Variants in PTPRM observed in about 807,000 individuals in gnomAD.
PTPRM encodes protein tyrosine phosphatase receptor type M.
A neutral mutation model predicts 186.7 loss-of-function variants in PTPRM; 47 were observed. The ratio of observed to expected loss-of-function variants is 0.25; its 90% CI spans 0.20 to 0.32. The LOEUF is 0.32. Among genes scored for constraint, PTPRM ranks in the 10% least tolerant of loss-of-function variants. The probability of loss-of-function intolerance (pLI) is 1.00; values close to 1 mark genes in which losing one functional copy is unlikely to be tolerated. For missense variants in PTPRM, 1,494 were observed against 1,865.0 expected, an observed-to-expected ratio of 0.80 and a Z score of 3.66; for synonymous variants, 668 against 674.9, an observed-to-expected ratio of 0.99 and a Z score of 0.16.
At chr18:8,226,270 TCC>T (rs1322584032) in intron 14 of PTPRM, among the ~76,000 whole-genome samples, 1 of 127,748 alleles carries the variant, frequency 7.8e-6, no homozygotes, top group Admixed American at 8.4e-5. Flanking sequence ...GCCCCCAATA[TCC>T]CCCCCACACA....
intron 1 of PTPRM, among the ~76,000 whole-genome samples, chr18:7,756,006 T>C (rs940177455): frequency 2.0e-5 from 3 of 152,198 alleles, no homozygotes; most frequent in Non-Finnish European, 4.4e-5. Flanking sequence ...TATATTTCCT[T>C]GTACTGTTTG....
chr18:8,332,773 G>A (rs1290291192), intron 22 of PTPRM, among the ~76,000 whole-genome samples: 6 of 152,198 alleles, frequency 3.9e-5, no homozygotes, highest in African/African-American at 1.4e-4. Context: ...GAGAAGAGAT[G>A]TGTCATTGTG....
intron 19 of PTPRM, among the ~76,000 whole-genome samples, chr18:8,254,878 G>A (rs2094560342): frequency 6.6e-6 from 1 of 152,230 alleles, no homozygotes; most frequent in African/African-American, 2.4e-5. Flanking sequence ...CTGCTAACAT[G>A]TGCATCCTGG....
chr18:7,743,481 C>T (rs1310244591), intron 1 of PTPRM, among the ~76,000 whole-genome samples: 2 of 151,848 alleles, frequency 1.3e-5, no homozygotes, highest in Admixed American at 1.3e-4. Context: ...TTGTGAAATA[C>T]TGAAGTGGTG....
At chr18:7,619,482 G>C (rs2037885279) in intron 1 of PTPRM, among the ~76,000 whole-genome samples, 1 of 152,202 alleles carries the variant, frequency 6.6e-6, no homozygotes, top group Non-Finnish European at 1.5e-5. Context: ...CTGTGTGTGT[G>C]TGAATGTGTG....
At chr18:8,054,064 AATTAAAGTGCTGTTTTT>A (rs2087711398) in intron 7 of PTPRM, among the ~76,000 whole-genome samples, 1 of 151,808 alleles carries the variant, frequency 6.6e-6, no homozygotes, top group South Asian at 2.1e-4. Flanking sequence ...GTCTGTGTAT[AATTAAAGTGCTGTTTTT>A]TCTTGTTTCA....
chr18:8,029,834 T>A (rs2085839914), intron 7 of PTPRM, among the ~76,000 whole-genome samples: 1 of 152,208 alleles, frequency 6.6e-6, no homozygotes. Flanking sequence ...GTCTTCCCAA[T>A]GTCCACAGGA....
At chr18:8,144,608 C>T (rs543511824) in intron 14 of PTPRM, among the ~76,000 whole-genome samples, 7 of 152,192 alleles carry the variant, frequency 4.6e-5, no homozygotes, top group Admixed American at 3.9e-4. Flanking sequence ...CAAAAACAAA[C>T]AAACAAACAA....
intron 7 of PTPRM, among the ~76,000 whole-genome samples, chr18:8,046,810 A>G (rs150276389): frequency 2.8e-4 from 42 of 152,232 alleles, no homozygotes; most frequent in Admixed American, 1.8e-3. Flanking sequence ...TGAGATATTA[A>G]TAATACTATA....
At chr18:7,775,178 C>T (rs2042520037) in intron 2 of PTPRM, among the ~76,000 whole-genome samples, 1 of 152,210 alleles carries the variant, frequency 6.6e-6, no homozygotes, top group Admixed American at 6.5e-5. Context: ...TAAGGTTTAA[C>T]AGTATGATGC....
chr18:8,076,337 G>A, intron 8 of PTPRM, 118 bp from the exon 9 acceptor site: 1 of 640,722 alleles, frequency 1.6e-6, no homozygotes, highest in Non-Finnish European at 2.8e-6. Flanking sequence ...GAAAAATTGA[G>A]TATATGTGTG....
intron 1 of PTPRM, among the ~76,000 whole-genome samples, chr18:7,743,699 C>T (rs1392283887): frequency 6.6e-6 from 1 of 152,122 alleles, no homozygotes; most frequent in African/African-American, 2.4e-5. Context: ...GGACATAAAA[C>T]AGAAAAGGAG....
At chr18:7,925,316 T>C (rs139564884) in intron 4 of PTPRM, among the ~76,000 whole-genome samples, 1 of 152,302 alleles carries the variant, frequency 6.6e-6, no homozygotes, top group Non-Finnish European at 1.5e-5. Context: ...TTGGAAGTTA[T>C]TTAGAACATT....
At chr18:7,982,533 TAGTATA>T (rs1156241251) in intron 7 of PTPRM, among the ~76,000 whole-genome samples, 1 of 151,818 alleles carries the variant, frequency 6.6e-6, no homozygotes, top group Admixed American at 6.6e-5. Context: ...TTTTTTTTTT[TAGTATA>T]AGTAGAATGC....
At chr18:8,197,597 C>T (rs1362126429) in intron 14 of PTPRM, among the ~76,000 whole-genome samples, 2 of 152,146 alleles carry the variant, frequency 1.3e-5, no homozygotes, top group Non-Finnish European at 2.9e-5. Context: ...AATTTATAAT[C>T]TGCATTATGT....
At chr18:7,751,628 C>T (rs2041220460) in intron 1 of PTPRM, 1 of 152,164 alleles carries the variant, frequency 6.6e-6, no homozygotes. Context: ...ATATTCCCTC[C>T]AAACCCCAGT....
chr18:7,793,942 G>A (rs886151511), intron 2 of PTPRM, among the ~76,000 whole-genome samples: 3 of 152,148 alleles, frequency 2.0e-5, no homozygotes, highest in Non-Finnish European at 2.9e-5. Context: ...GGAACATAGC[G>A]GCAGAAGAGC....
At chr18:8,307,310 C>T (rs1236777946) in intron 20 of PTPRM, among the ~76,000 whole-genome samples, 1 of 152,212 alleles carries the variant, frequency 6.6e-6, no homozygotes, top group Non-Finnish European at 1.5e-5. Context: ...GATGATCAGC[C>T]TGCTGCTCTC....
At chr18:7,910,432 G>C (rs2050201775) in intron 4 of PTPRM, among the ~76,000 whole-genome samples, 1 of 152,202 alleles carries the variant, frequency 6.6e-6, no homozygotes, top group Non-Finnish European at 1.5e-5. Flanking sequence ...CAGGGTGGGA[G>C]CTGCCCGAGC....
Sources: allele counts gnomAD v4.1 joint callset (sites outside exome capture counted in the v4.1 genomes callset), GRCh38; gene constraint gnomAD v4.1.1; transcripts MANE v1.5; gene names NCBI Gene and HGNC (gene_info 2026-07-23, HGNC 2026-07-21).